The following SMARCC1 variants were observed in gnomAD, a reference collection of about 807,000 sequenced individuals.
SMARCC1 encodes the protein SWI/SNF complex subunit SMARCC1.
Under a neutral mutation model 147.4 loss-of-function variants are expected in SMARCC1, and 43 were observed. The ratio of observed to expected loss-of-function variants is 0.29; its 90% CI spans 0.23 to 0.38. The LOEUF (loss-of-function observed/expected upper bound fraction) is 0.38, where lower values mean the gene tolerates loss of function less well. Among genes scored for constraint, SMARCC1 ranks in the 10% least tolerant of loss-of-function variants. The pLI is 1.00. For synonymous variants in SMARCC1, 495 were observed against 484.4 expected (o/e 1.02, Z -0.29); for missense variants, 1,119 against 1,381.1 (o/e 0.81, Z 3.01).
At chr3:47,650,289 A>AATG in intron 21 of SMARCC1, among the ~76,000 whole-genome samples, 1 of 140,002 alleles carries the variant, frequency 7.1e-6, no homozygotes, top group African/African-American at 2.5e-5. Context: ...TAATAATAAT[A>AATG]ATAATAATAA....
At chr3:47,689,307 G>T in intron 13 of SMARCC1, 80 bp downstream of exon 13, 2 of 1,187,478 alleles carry the variant, frequency 1.7e-6, no homozygotes, top group Non-Finnish European at 2.5e-6. Flanking sequence ...ATTGGGTTAT[G>T]TCCAATTCAG....
In SMARCC1 at chr3:47,770,557, A is replaced by C. The variant is rs927740037; in HGVS notation, c.315+2260T>G. Among the ~76,000 whole-genome samples the C allele has an allele frequency of 5.3e-5, 8 of 152,168 alleles. No homozygotes were observed. The East Asian group carries it at 1.5e-3, about 29-fold the overall frequency. On this transcript the variant is annotated intron_variant, in intron 2 of 27. Transcript: ENST00000254480. ...AGACTCACTTGAACCTGGGAAGCAG[A>C]GGTCGTGGTGAGCTGAAATTGCACC... is the stretch of plus-strand genomic sequence containing the variant.
chr3:47,680,328 G>A (rs1440577270), intron 15 of SMARCC1, 109 bp downstream of exon 15: 7 of 756,790 alleles, frequency 9.2e-6, no homozygotes, highest in Non-Finnish European at 1.7e-5. Context: ...GTTCTGAAAG[G>A]AGTATTTGCA....
At chr3:47,732,745 G>C (rs1343712636) in intron 5 of SMARCC1, among the ~76,000 whole-genome samples, 1 of 152,148 alleles carries the variant, frequency 6.6e-6, no homozygotes, top group Non-Finnish European at 1.5e-5. Flanking sequence ...TATGGGTGTT[G>C]TGCTAAACCA....
intron 26 of SMARCC1, among the ~76,000 whole-genome samples, chr3:47,595,033 GT>G (rs905591055): frequency 3.3e-5 from 5 of 151,710 alleles, no homozygotes; most frequent in African/African-American, 7.3e-5. Flanking sequence ...TTTGGGATTG[GT>G]TTTTTTTCAC....
intron 10 of SMARCC1, among the ~76,000 whole-genome samples, chr3:47,705,078 C>T (rs1250553576): frequency 6.6e-6 from 1 of 151,182 alleles, no homozygotes; most frequent in Non-Finnish European, 1.5e-5. Flanking sequence ...AATCCCAGCA[C>T]TTTGGGAGGC....
intron 24 of SMARCC1, among the ~76,000 whole-genome samples, chr3:47,633,988 C>T (rs1248093976): frequency 6.6e-6 from 1 of 151,698 alleles, no homozygotes; most frequent in African/African-American, 2.4e-5. Flanking sequence ...AAGAGCAAAA[C>T]CGGACAAATG....
At chr3:47,688,449 T>C (rs1334850428) in intron 13 of SMARCC1, among the ~76,000 whole-genome samples, 2 of 151,880 alleles carry the variant, frequency 1.3e-5, no homozygotes, top group African/African-American at 4.8e-5. Context: ...TCTTAGGGAA[T>C]TTCTTTGCAA....
At chr3:47,679,242 T>C (rs1428936257) in intron 15 of SMARCC1, among the ~76,000 whole-genome samples, 1 of 150,320 alleles carries the variant, frequency 6.7e-6, no homozygotes, top group Non-Finnish European at 1.5e-5. Flanking sequence ...AACAGATTAA[T>C]ACCCTGATTA....
chr3:47,695,286 A>G (rs2033835351), intron 11 of SMARCC1, among the ~76,000 whole-genome samples: 1 of 152,324 alleles, frequency 6.6e-6, no homozygotes, highest in African/African-American at 2.4e-5. Flanking sequence ...GTGAGTTATG[A>G]TCGCATAGCT....
intron 25 of SMARCC1, among the ~76,000 whole-genome samples, chr3:47,611,926 T>C (rs1212819794): frequency 6.6e-6 from 1 of 152,174 alleles, no homozygotes; most frequent in East Asian, 1.9e-4. Flanking sequence ...GTAACTGGCT[T>C]GTAGACTTTC....
At chr3:47,589,889 T>C (rs1196299834) in intron 27 of SMARCC1, among the ~76,000 whole-genome samples, 1 of 152,240 alleles carries the variant, frequency 6.6e-6, no homozygotes, top group Non-Finnish European at 1.5e-5. Flanking sequence ...GCTAAACTTT[T>C]GGCCACACGT....
intron 2 of SMARCC1, among the ~76,000 whole-genome samples, chr3:47,758,969 A>T (rs1055371948): frequency 1.4e-4 from 21 of 151,450 alleles, no homozygotes; most frequent in Non-Finnish European, 2.9e-4. Context: ...GTGAGCTGAG[A>T]TCGCACCATT....
intron 4 of SMARCC1, among the ~76,000 whole-genome samples, chr3:47,736,514 A>C (rs2034445497): frequency 1.1e-5 from 1 of 90,620 alleles, no homozygotes; most frequent in African/African-American, 3.0e-5. Flanking sequence ...TCTCTACTAA[A>C]AATACAAAAA....
chr3:47,763,277 G>A (rs889074909), intron 2 of SMARCC1, among the ~76,000 whole-genome samples: 2 of 149,798 alleles, frequency 1.3e-5, no homozygotes, highest in East Asian at 2.0e-4. Context: ...CTCCCAAAAC[G>A]TTAGGATTAC....
chr3:47,746,036 G>A (rs1458631318), intron 2 of SMARCC1, 43 bp from the exon 3 acceptor site: 3 of 1,276,350 alleles, frequency 2.4e-6, no homozygotes, highest in Admixed American at 2.4e-5. Context: ...TAAAGCTTCT[G>A]ACAAAATTAC....
rs561605518 is a variant in SMARCC1, at chr3:47,604,530, C to CA, written c.3043+5535dup. The CA allele has an allele frequency of 3.3e-3, 1,117 of 336,930 alleles. 5 individuals are homozygous for CA. Among genetic ancestry groups the CA allele is most frequent in the Admixed American group, 4.4e-3 (106 of 24,008 alleles). The allele number at this position is 336,930 out of a possible 1,614,324, so 20.9% of individuals were successfully genotyped here. On this transcript the variant is annotated intron_variant, in intron 26 of 27. Coordinates refer to ENST00000254480, the MANE Select transcript of SMARCC1 (RefSeq NM_003074.4). ...GTTCTTACCTTACCCTGTGGCAACT[C>CA]AGAGACTAAAGCCATTCTGGCCCCA...
chr3:47,621,088 T>A (rs767137883), intron 25 of SMARCC1, among the ~76,000 whole-genome samples: 1 of 151,896 alleles, frequency 6.6e-6, no homozygotes, highest in African/African-American at 2.4e-5. Flanking sequence ...GATCATGAGG[T>A]CAAGAGATAG....
intron 26 of SMARCC1, among the ~76,000 whole-genome samples, chr3:47,597,366 G>A (rs530976224): frequency 2.8e-4 from 42 of 151,924 alleles, no homozygotes; most frequent in East Asian, 1.4e-3. Context: ...TTTTTGAGAC[G>A]GAGTCTCACT....
Sources: gnomAD v4.1 joint callset for allele counts (sites outside exome capture counted in the v4.1 genomes callset) on GRCh38, gnomAD v4.1.1 for gene constraint, MANE v1.5 for transcripts, NCBI Gene and HGNC (gene_info 2026-07-23, HGNC 2026-07-21) for gene names.